CDKL5: variants seen among roughly 807,000 people sequenced by gnomAD.
The protein encoded by CDKL5 is cyclin-dependent kinase-like 5.
A neutral mutation model predicts 61.7 loss-of-function variants in CDKL5; 8 were observed. That is an observed-to-expected ratio of 0.13 (90% CI 0.08 to 0.23). CDKL5 has a LOEUF of 0.23. Among genes scored for constraint, CDKL5 ranks in the 10% least tolerant of loss-of-function variants. The pLI, the probability that CDKL5 is intolerant of heterozygous loss-of-function variation, is 1.00. For missense variants in CDKL5, 440 were observed against 734.5 expected, an observed-to-expected ratio of 0.60 and a Z score of 4.63; for synonymous variants, 275 against 272.3, an observed-to-expected ratio of 1.01 and a Z score of -0.10.
At chrX:18,641,906 G>A (rs1191252902), downstream of CDKL5, 41 of 980,625 alleles carry the variant, frequency 4.2e-5, no homozygotes, top group South Asian at 9.7e-5. Flanking sequence ...ATTGCTTTGC[G>A]AAATATAGCC....
At chrX:18,490,880 A>T (rs1043708719) in intron 1 of CDKL5, among the ~76,000 whole-genome samples, 2 of 112,268 alleles carry the variant, frequency 1.8e-5, no homozygotes, top group Non-Finnish European at 3.8e-5. Context: ...TTTAAATAGG[A>T]CACAAATATC....
In CDKL5 at chrX:18,636,457, G is replaced by C. The variant is rs1292108417; in HGVS notation, c.*7700G>C. ...AATGAGGAAACAGATTTCCATACTT[G>C]ACATTAACCTGCCCAAGGTCACCCA... On this transcript the variant is annotated 3_prime_UTR_variant, in exon 18 of 18. Coordinates refer to ENST00000623535, the MANE Select transcript of CDKL5 (RefSeq NM_001323289.2). 2.8e-5 allele frequency: 3 copies of C among 108,543 alleles called. No homozygotes were observed. Among genetic ancestry groups the C allele is most frequent in the Non-Finnish European group, 5.7e-5 (3 of 52,489 alleles). 8.9% of individuals were successfully genotyped at this position (108,543 alleles called of 1,213,427 possible). A position where few individuals can be genotyped will look rare whatever the true frequency, so the allele number is the denominator to read the frequency against.
intron 12 of CDKL5, among the ~76,000 whole-genome samples, chrX:18,607,821 A>G (rs1057089989): frequency 8.9e-6 from 1 of 112,246 alleles, no homozygotes; most frequent in South Asian, 3.7e-4. Context: ...TACAGGTGGT[A>G]AAAGTCAAAT....
At chrX:18,531,273 C>T (rs1923633351) in intron 3 of CDKL5, among the ~76,000 whole-genome samples, 1 of 112,486 alleles carries the variant, frequency 8.9e-6, no homozygotes, top group Non-Finnish European at 1.9e-5. Context: ...TGGTTACTTT[C>T]TTCCTCTCCC....
intron 3 of CDKL5, chrX:18,535,101 A>G (rs909463744): frequency 1.8e-5 from 2 of 112,585 alleles, no homozygotes; most frequent in African/African-American, 3.2e-5. Context: ...CACCTCCTAG[A>G]GAAGGTTCAA....
At chrX:18,513,887 T>A (rs1922914131) in intron 3 of CDKL5, among the ~76,000 whole-genome samples, 1 of 111,906 alleles carries the variant, frequency 8.9e-6, no homozygotes, top group Non-Finnish European at 1.9e-5. Context: ...GTATGTAATC[T>A]TCCCGATTGT....
rs968469841 is a variant in CDKL5, at chrX:18,631,962, G to C, written c.*3205G>C. 18 of 636,596 alleles carry C rather than the reference G, an allele frequency of 2.8e-5. No homozygotes were observed. The highest frequency in any genetic ancestry group is 2.4e-5 in the African/African-American group (1 of 40,910). 52.5% of individuals were successfully genotyped at this position (636,596 alleles called of 1,213,427 possible). On this transcript the variant is annotated 3_prime_UTR_variant, in exon 18 of 18. Coordinates refer to ENST00000623535, the MANE Select transcript of CDKL5 (RefSeq NM_001323289.2). ...GGGGACATTTGGTTGTCATAGCTGGGGGGGAGGTGATGGTATGCTACTGGC... is the reference window on the plus strand; with the variant it reads ...GGGGACATTTGGTTGTCATAGCTGGCGGGGAGGTGATGGTATGCTACTGGC...
intron 1 of CDKL5, among the ~76,000 whole-genome samples, chrX:18,431,514 C>T (rs1315110005): frequency 3.7e-5 from 4 of 107,427 alleles, no homozygotes; most frequent in African/African-American, 1.4e-4. Context: ...CTCTGCCTCC[C>T]GGGTTCACGC....
At chrX:18,526,234 A>G (rs1471242953) in intron 3 of CDKL5, among the ~76,000 whole-genome samples, 1 of 112,132 alleles carries the variant, frequency 8.9e-6, no homozygotes, top group African/African-American at 3.2e-5. Flanking sequence ...TTCAAATTCT[A>G]GTTGTTCTTT....
Position 18,631,024 on chromosome X carries a change from A to G in CDKL5, c.*2267A>G, listed in dbSNP as rs886654546. On this transcript the variant is annotated 3_prime_UTR_variant, in exon 18 of 18. Transcript: ENST00000623535. Reference sequence around the variant, plus strand: ...CTCTGGAAAGACTTCTCACTGTGCTATGCGCTTAGGAACTGCACGGTCCCG... The same window carrying G: ...CTCTGGAAAGACTTCTCACTGTGCTGTGCGCTTAGGAACTGCACGGTCCCG... The G allele has an allele frequency of 6.7e-6, 5 of 747,371 alleles. No homozygotes were observed. Among genetic ancestry groups the G allele is most frequent in the Non-Finnish European group, 7.8e-6 (5 of 637,921 alleles). The allele number at this position is 747,371 out of a possible 1,213,427, so 61.6% of individuals were successfully genotyped here. A position where few individuals can be genotyped will look rare whatever the true frequency, so the allele number is the denominator to read the frequency against.
chrX:18,561,348 T>A (rs142575904), intron 3 of CDKL5, among the ~76,000 whole-genome samples: 2,374 of 110,028 alleles, frequency 0.022, 50 homozygotes, highest in African/African-American at 0.062. Flanking sequence ...CTGGCTGAGC[T>A]AAACATGAAT....
Position 18,651,264 on chromosome X carries a change from TGAGAGAGA to T in CDKL5, c.2980+689_2980+696del, listed in dbSNP as rs1191836877. ...GTGTGTGTGTGTGTGTGTGTGTGTG[TGAGAGAGA>T]GAGAGAGAGAGAGAGACAGAGAGAC... On this transcript the variant is annotated intron_variant, in intron 21 of 21. Transcript: ENST00000379989. Among the ~76,000 whole-genome samples the T allele has an allele frequency of 2.1e-3, 147 of 69,004 alleles. 4 individuals carry two copies. The highest frequency in any genetic ancestry group is 0.021 in the Admixed American group (120 of 5,722). The allele number at this position is 69,004 out of a possible 115,157, so 59.9% of individuals were successfully genotyped here. A position where few individuals can be genotyped will look rare whatever the true frequency, so the allele number is the denominator to read the frequency against.
intron 1 of CDKL5, among the ~76,000 whole-genome samples, chrX:18,487,347 C>T (rs1390861273): frequency 2.7e-5 from 3 of 112,313 alleles, no homozygotes; most frequent in Non-Finnish European, 3.8e-5. Context: ...CCTCTGTCAC[C>T]GGAGTGCACT....
At chrX:18,524,575 G>C (rs1216421546) in intron 3 of CDKL5, among the ~76,000 whole-genome samples, 1 of 111,841 alleles carries the variant, frequency 8.9e-6, no homozygotes, top group Non-Finnish European at 1.9e-5. Context: ...TCTTACAATG[G>C]TATGTTTACC....
chrX:18,562,304 T>G (rs1924830104), intron 3 of CDKL5, among the ~76,000 whole-genome samples: 1 of 111,692 alleles, frequency 9.0e-6, no homozygotes, highest in Non-Finnish European at 1.9e-5. Flanking sequence ...TTATATCACT[T>G]ATAGAATTTA....
chrX:18,561,759 T>C (rs777244464), intron 3 of CDKL5, among the ~76,000 whole-genome samples: 17 of 111,158 alleles, frequency 1.5e-4, no homozygotes, highest in African/African-American at 5.5e-4. Context: ...ATTTAGTGTT[T>C]AGAAATTATA....
chrX:18,461,712 TTCAG>T (rs1362191121), intron 1 of CDKL5, among the ~76,000 whole-genome samples: 2 of 112,162 alleles, frequency 1.8e-5, no homozygotes, highest in Admixed American at 1.9e-4. Context: ...GAAATTCTAG[TTCAG>T]CATAAGTCAG....
chrX:18,497,777 GTTGTC>G (rs1388510746), intron 1 of CDKL5, among the ~76,000 whole-genome samples: 1 of 110,162 alleles, frequency 9.1e-6, no homozygotes, highest in Non-Finnish European at 1.9e-5. Context: ...GTTGTGTTGT[GTTGTC>G]TTGTCTAGCC....
chrX:18,439,423 A>G (rs767016706), intron 1 of CDKL5, among the ~76,000 whole-genome samples: 4 of 105,835 alleles, frequency 3.8e-5, no homozygotes, highest in Non-Finnish European at 5.9e-5. Flanking sequence ...GTGTGTGTGT[A>G]TGTGTATCTA....
Sources: gnomAD v4.1 joint callset for allele counts (sites outside exome capture counted in the v4.1 genomes callset) on GRCh38, gnomAD v4.1.1 for gene constraint, MANE v1.5 for transcripts, NCBI Gene and HGNC (gene_info 2026-07-23, HGNC 2026-07-21) for gene names.